The following SNTG2 variants were observed in gnomAD, a reference collection of about 807,000 sequenced individuals.
SNTG2 encodes gamma-2-syntrophin.
Under a neutral mutation model 70.9 loss-of-function variants are expected in SNTG2, and 74 were observed. The ratio of observed to expected loss-of-function variants is 1.04; its 90% confidence interval spans 0.86 to 1.27. The LOEUF is 1.27. Among genes scored for constraint, SNTG2 ranks in the 50% most tolerant of loss-of-function variants. The pLI is 0.00. For synonymous variants in SNTG2, 278 were observed against 273.8 expected (o/e 1.02, Z -0.15); for missense variants, 717 against 690.7 (o/e 1.04, Z -0.43).
chr2:1,173,131 C>T lies in SNTG2; in HGVS notation c.539C>T (p.Ser180Phe), dbSNP rs373900904. 55 of 1,613,872 alleles carry T rather than the reference C, an allele frequency of 3.4e-5. No individual in the cohort carries two copies. Among genetic ancestry groups the T allele is most frequent in the Non-Finnish European group, 4.5e-5 (53 of 1,179,900 alleles). Reference sequence around the variant, plus strand: ...TCCAGCGACCACAGCAGTGGGGCCTCCTCTCCCCTCTTTGACAGCGGTTTG... The same window carrying T: ...TCCAGCGACCACAGCAGTGGGGCCTTCTCTCCCCTCTTTGACAGCGGTTTG... Reference protein sequence around the residue: ...GPSSDHSSGASSPLFDSGLHL... With the variant: ...GPSSDHSSGAFSPLFDSGLHL... Residue 180 changes from serine to phenylalanine, a missense_variant, in exon 8 of 17, where the codon TCC (serine) becomes TTC (phenylalanine). Transcript: ENST00000308624.
intron 1 of SNTG2, among the ~76,000 whole-genome samples, chr2:1,062,513 A>G (rs1662888265): frequency 6.6e-6 from 1 of 152,222 alleles, no homozygotes; most frequent in Admixed American, 6.5e-5. Context: ...AGAAAGTGGG[A>G]AAAATGAAGT....
At chr2:1,196,142 T>C (rs1672895081) in intron 8 of SNTG2, among the ~76,000 whole-genome samples, 1 of 152,142 alleles carries the variant, frequency 6.6e-6, no homozygotes, top group South Asian at 2.1e-4. Flanking sequence ...CTTTTGATAA[T>C]ACCACAAAAT....
At chr2:963,110 A>G (rs1052165444) in intron 1 of SNTG2, among the ~76,000 whole-genome samples, 1 of 152,146 alleles carries the variant, frequency 6.6e-6, no homozygotes, top group Non-Finnish European at 1.5e-5. Context: ...TTCATTAATC[A>G]TCAGACTATG....
At chr2:1,358,790 CT>C (rs1488240663) in intron 16 of SNTG2, among the ~76,000 whole-genome samples, 1 of 152,154 alleles carries the variant, frequency 6.6e-6, no homozygotes, top group African/African-American at 2.4e-5. Flanking sequence ...GAGAATGCTC[CT>C]GTACACATTT....
intron 14 of SNTG2, among the ~76,000 whole-genome samples, chr2:1,306,668 C>T (rs1417089388): frequency 7.3e-6 from 1 of 137,638 alleles, no homozygotes; most frequent in Admixed American, 7.6e-5. Context: ...GCTCCAGCCT[C>T]CCTCGGCCAG....
chr2:1,041,902 C>A (rs1475548168), intron 1 of SNTG2, among the ~76,000 whole-genome samples: 2 of 152,162 alleles, frequency 1.3e-5, no homozygotes, highest in Non-Finnish European at 2.9e-5. Flanking sequence ...ATTTGGGGTC[C>A]TCTGTTCTGT....
intron 6 of SNTG2, among the ~76,000 whole-genome samples, chr2:1,144,253 A>G (rs7419987): frequency 0.13 from 19,930 of 152,194 alleles, 1,686 homozygotes; most frequent in East Asian, 0.27. Context: ...TGAGTTGACA[A>G]CGGACAACCC....
At chr2:1,364,080 T>C (rs2148324162) in intron 16 of SNTG2, among the ~76,000 whole-genome samples, 1 of 152,260 alleles carries the variant, frequency 6.6e-6, no homozygotes, top group Admixed American at 6.5e-5. Flanking sequence ...AAGTGATTCT[T>C]GTGCCTCAGC....
chr2:1,014,786 G>C (rs1659832656), intron 1 of SNTG2, among the ~76,000 whole-genome samples: 1 of 151,184 alleles, frequency 6.6e-6, no homozygotes, highest in Non-Finnish European at 1.5e-5. Flanking sequence ...GCAGAGAGAA[G>C]GGTGGTCTGG....
intron 9 of SNTG2, among the ~76,000 whole-genome samples, chr2:1,233,639 C>T (rs1447311471): frequency 6.6e-6 from 1 of 152,202 alleles, no homozygotes; most frequent in Non-Finnish European, 1.5e-5. Flanking sequence ...GAGCACGTAA[C>T]TTCAATTCCT....
At chr2:1,134,832 C>A (rs1668266265) in intron 4 of SNTG2, among the ~76,000 whole-genome samples, 1 of 152,136 alleles carries the variant, frequency 6.6e-6, no homozygotes, top group Non-Finnish European at 1.5e-5. Flanking sequence ...GGGGGAGGCT[C>A]AGGCATGGCG....
At chr2:1,222,166 T>C (rs1572776861) in intron 9 of SNTG2, among the ~76,000 whole-genome samples, 3 of 151,620 alleles carry the variant, frequency 2.0e-5, no homozygotes, top group African/African-American at 7.3e-5. Context: ...TCTCTGTCTT[T>C]GTCTCTCTTT....
At chr2:1,095,772 C>T (rs1665351957) in intron 2 of SNTG2, among the ~76,000 whole-genome samples, 1 of 152,188 alleles carries the variant, frequency 6.6e-6, no homozygotes. Flanking sequence ...AATACTTACA[C>T]TAACAGCTAC....
At chr2:1,280,659 T>A (rs1679472559) in intron 14 of SNTG2, among the ~76,000 whole-genome samples, 1 of 152,236 alleles carries the variant, frequency 6.6e-6, no homozygotes, top group South Asian at 2.1e-4. Flanking sequence ...TTGTTATTCA[T>A]TCGCTTAAAT....
intron 6 of SNTG2, among the ~76,000 whole-genome samples, chr2:1,143,764 T>C (rs1572553250): frequency 9.5e-6 from 1 of 104,854 alleles, no homozygotes; most frequent in East Asian, 6.3e-4. Context: ...TCCCAGCTAC[T>C]TGGGAGGCTG....
At position 1,359,714 on chromosome 2, in the gene SNTG2, A is replaced by G. The variant is rs561200921; in HGVS notation, c.1489-7629A>G. ...TATGATGGCTTTTTACATGCTGGGA[A>G]AGATGACTGCTTTTACACAACATCA... is the stretch of plus-strand genomic sequence containing the variant. On this transcript the variant is annotated intron_variant, in intron 16 of 16. Transcript: ENST00000308624. 9.2e-5 allele frequency among the ~76,000 whole-genome samples: 14 copies of G among 152,326 alleles called. No individual in the cohort carries two copies. In the South Asian group the frequency reaches 2.9e-3, roughly 32 times the overall value.
intron 1 of SNTG2, among the ~76,000 whole-genome samples, chr2:1,043,467 G>C (rs1661557616): frequency 6.6e-6 from 1 of 152,122 alleles, no homozygotes; most frequent in Non-Finnish European, 1.5e-5. Flanking sequence ...ATTGCATTTG[G>C]AGTTTTTGTA....
chr2:1,342,180 C>A (rs1470159243), intron 16 of SNTG2, among the ~76,000 whole-genome samples: 1 of 152,176 alleles, frequency 6.6e-6, no homozygotes, highest in African/African-American at 2.4e-5. Context: ...AGGGATCTCA[C>A]TCCTTAGACA....
intron 2 of SNTG2, among the ~76,000 whole-genome samples, chr2:1,096,828 A>T (rs903724856): frequency 6.6e-6 from 1 of 152,168 alleles, no homozygotes; most frequent in Non-Finnish European, 1.5e-5. Context: ...GTCACTGGGA[A>T]GCATCTGTGG....
Sources: allele counts gnomAD v4.1 joint callset (sites outside exome capture counted in the v4.1 genomes callset), GRCh38; gene constraint gnomAD v4.1.1; transcripts MANE v1.5; gene names NCBI Gene and HGNC (gene_info 2026-07-23, HGNC 2026-07-21).